AFF2: variants seen among roughly 807,000 people sequenced by gnomAD.
AFF2 encodes ALF transcription elongation factor 2.
In AFF2, 14 loss-of-function variants were observed where a neutral mutation model predicts 76.9. The observed-to-expected ratio is 0.18, with a 90% CI of 0.12 to 0.28. AFF2 has a LOEUF of 0.28. Among genes scored for constraint, AFF2 ranks in the 10% least tolerant of loss-of-function variants. The pLI, the probability that AFF2 is intolerant of heterozygous loss-of-function variation, is 1.00. For missense variants in AFF2, 868 were observed against 1,001.1 expected (o/e 0.87, Z 1.79); for synonymous variants, 398 against 366.7 (o/e 1.09, Z -0.98).
chrX:148,846,970 G>A (rs1175243533), intron 7 of AFF2, among the ~76,000 whole-genome samples: 7 of 111,012 alleles, frequency 6.3e-5, no homozygotes, highest in African/African-American at 2.3e-4. Context: ...GCAGGATCTC[G>A]GCTCACTGCA....
chrX:148,561,806 A>G (rs1422277013), intron 1 of AFF2, among the ~76,000 whole-genome samples: 1 of 111,472 alleles, frequency 9.0e-6, no homozygotes, highest in African/African-American at 3.3e-5. Context: ...CATTTTTATG[A>G]CAGTGATTCA....
At chrX:148,766,314 C>A (rs1415812926) in intron 3 of AFF2, among the ~76,000 whole-genome samples, 2 of 110,071 alleles carry the variant, frequency 1.8e-5, no homozygotes, top group Non-Finnish European at 3.8e-5. Flanking sequence ...AGTTTACAGT[C>A]CCACCAACAA....
At chrX:148,504,862 A>G (rs782246428) in intron 1 of AFF2, among the ~76,000 whole-genome samples, 1 of 110,461 alleles carries the variant, frequency 9.1e-6, no homozygotes, top group South Asian at 3.9e-4. Context: ...AGGTCTTCCG[A>G]GGCCTCGTTA....
intron 1 of AFF2, among the ~76,000 whole-genome samples, chrX:148,521,374 G>GCACACA (rs781978355): frequency 0.12 from 10,877 of 90,607 alleles, 710 homozygotes; most frequent in Admixed American, 0.16. Flanking sequence ...GCACGTGCAT[G>GCACACA]CACACACACA....
intron 1 of AFF2, among the ~76,000 whole-genome samples, chrX:148,529,629 G>A (rs2052706247): frequency 9.0e-6 from 1 of 111,678 alleles, no homozygotes; most frequent in Non-Finnish European, 1.9e-5. Flanking sequence ...ACCTTCTGAT[G>A]TGCGCAGATT....
At chrX:148,719,245 G>A (rs1387281640) in intron 3 of AFF2, 2 of 1,126,621 alleles carry the variant, frequency 1.8e-6, no homozygotes, top group South Asian at 1.9e-5. Flanking sequence ...GGCAATATGA[G>A]TTGGCTGTAG....
intron 9 of AFF2, among the ~76,000 whole-genome samples, chrX:148,911,203 A>G (rs1038035286): frequency 9.1e-6 from 1 of 110,438 alleles, no homozygotes; most frequent in Non-Finnish European, 1.9e-5. Flanking sequence ...TACCTTTTAC[A>G]TTTGTGGAAT....
chrX:148,585,788 T>C (rs1262119364), intron 1 of AFF2, among the ~76,000 whole-genome samples: 5 of 93,031 alleles, frequency 5.4e-5, no homozygotes, highest in Non-Finnish European at 1.0e-4. Context: ...TTGCAGTGAG[T>C]GGAGATCACA....
intron 1 of AFF2, among the ~76,000 whole-genome samples, chrX:148,595,409 A>G (rs782590013): frequency 2.5e-3 from 280 of 112,222 alleles, no homozygotes; most frequent in Non-Finnish European, 4.5e-3. Flanking sequence ...AGTCTACCAG[A>G]CAGTGGTGAA....
intron 1 of AFF2, among the ~76,000 whole-genome samples, chrX:148,626,030 G>A (rs1394440200): frequency 1.8e-5 from 2 of 112,164 alleles, no homozygotes; most frequent in Non-Finnish European, 3.8e-5. Context: ...AAAGTAAATG[G>A]TTTTAAAAAT....
rs782203385 is a variant in AFF2 at position 148,848,882 on chromosome X, T to C, written c.1262+5449T>C. Among the ~76,000 whole-genome samples, 9 of 111,623 alleles carry C rather than the reference T, an allele frequency of 8.1e-5. No homozygotes were observed. The East Asian group carries it at 2.3e-3, about 28-fold the overall frequency. ...GAGCTTGCCAAATTTTCCTAAGGAC[T>C]TAATATATTTTTGGAAGTTCTCCAC... On this transcript the variant is annotated intron_variant, in intron 7 of 20. Coordinates refer to ENST00000370460, the MANE Select transcript of AFF2 (RefSeq NM_002025.4).
Position 148,966,899 on chromosome X carries a change from C to T in AFF2, c.3023C>T (p.Ala1008Val). 6 of 1,211,220 alleles carry T rather than the reference C, an allele frequency of 5.0e-6. No homozygotes were observed. The highest frequency in any genetic ancestry group is 6.7e-6 in the Non-Finnish European group (6 of 895,396). ...ATAIVTTTVT[A>V]TATATATTTT... ...GCCATTGTCACCACCACTGTCACAG[C>T]TACTGCCACCGCCACGGCCACCACC... The change falls in exon 14 of 21, where the codon GCT becomes GTT. Residue 1008 changes from alanine to valine, a missense_variant. Physicochemically the swap from Ala to Val is moderately conservative, Grantham distance 64. Transcript: ENST00000370460.
intron 3 of AFF2, among the ~76,000 whole-genome samples, chrX:148,684,761 G>A (rs1171607038): frequency 3.6e-5 from 4 of 112,514 alleles, no homozygotes; most frequent in South Asian, 3.7e-4. Flanking sequence ...AAGTGCAATT[G>A]TAATTATTTG....
chrX:148,744,467 A>G (rs1446118712), intron 3 of AFF2, among the ~76,000 whole-genome samples: 1 of 112,382 alleles, frequency 8.9e-6, no homozygotes, highest in Non-Finnish European at 1.9e-5. Flanking sequence ...TTTCAGATGC[A>G]TGCATGGGTA....
intron 7 of AFF2, among the ~76,000 whole-genome samples, chrX:148,856,331 CTATT>C (rs1252360444): frequency 8.9e-6 from 1 of 112,268 alleles, no homozygotes; most frequent in Non-Finnish European, 1.9e-5. Flanking sequence ...AGCTAATTGA[CTATT>C]TACAACCCAG....
intron 1 of AFF2, among the ~76,000 whole-genome samples, chrX:148,526,731 CTCTATT>C (rs2052665159): frequency 9.0e-6 from 1 of 111,435 alleles, no homozygotes; most frequent in Non-Finnish European, 1.9e-5. Flanking sequence ...ACACATCTAT[CTCTATT>C]TCTATATCTG....
intron 7 of AFF2, among the ~76,000 whole-genome samples, chrX:148,858,206 T>C (rs1557276086): frequency 9.0e-6 from 1 of 111,531 alleles, no homozygotes; most frequent in East Asian, 2.8e-4. Context: ...CAGTCTCCCA[T>C]AATGAGAAAA....
chrX:148,875,294 T>C (rs2071023709), intron 7 of AFF2, among the ~76,000 whole-genome samples: 1 of 112,328 alleles, frequency 8.9e-6, no homozygotes, highest in South Asian at 3.7e-4. Flanking sequence ...TTGCAGACAA[T>C]TGTGAATATC....
At chrX:148,794,715 T>TAATA (rs1271281253) in intron 3 of AFF2, among the ~76,000 whole-genome samples, 4 of 111,909 alleles carry the variant, frequency 3.6e-5, no homozygotes, top group African/African-American at 1.3e-4. Context: ...TTGGAATTTG[T>TAATA]AATAACATTA....
Sources: gnomAD v4.1 joint callset for allele counts (sites outside exome capture counted in the v4.1 genomes callset) on GRCh38, gnomAD v4.1.1 for gene constraint, MANE v1.5 for transcripts, NCBI Gene and HGNC (gene_info 2026-07-23, HGNC 2026-07-21) for gene names.